Variants in TBC1D22A observed in about 807,000 individuals in gnomAD.
TBC1D22A encodes putative GTPase activator.
A neutral mutation model predicts 60.2 loss-of-function variants in TBC1D22A; 38 were observed. That is an observed-to-expected ratio of 0.63 (90% CI 0.49 to 0.83). The LOEUF (loss-of-function observed/expected upper bound fraction) is 0.83. Among genes scored for constraint, TBC1D22A ranks in the 40% least tolerant of loss-of-function variants. The pLI is 0.00. For missense variants in TBC1D22A, 628 were observed against 701.0 expected, an observed-to-expected ratio of 0.90 and a Z score of 1.18; for synonymous variants, 302 against 281.7, an observed-to-expected ratio of 1.07 and a Z score of -0.72.
In TBC1D22A at chr22:46,793,856, C is replaced by T; in HGVS notation, c.460+15C>T. 1 of 1,532,844 alleles carries T rather than the reference C, an allele frequency of 6.5e-7. No homozygotes were observed. Among genetic ancestry groups the T allele is most frequent in the Non-Finnish European group, 8.7e-7 (1 of 1,142,878 alleles). The allele number at this position is 1,532,844 out of a possible 1,614,324, so 95.0% of individuals were successfully genotyped here. A position where few individuals can be genotyped will look rare whatever the true frequency, so the allele number is the denominator to read the frequency against. ...CTGTCCTGCAGGTACGATGGGAGGA[C>T]TGAAGAGATGGTCTGGGTTTCTGGC... On this transcript the variant is annotated intron_variant, in intron 3 of 12. Transcript: ENST00000337137.
chr22:46,830,691 A>G (rs2086271009), intron 4 of TBC1D22A, among the ~76,000 whole-genome samples: 1 of 152,186 alleles, frequency 6.6e-6, no homozygotes, highest in Non-Finnish European at 1.5e-5. Flanking sequence ...AATCTTCAAG[A>G]ACAGTGATAC....
Position 46,997,630 on chromosome 22 carries a change from T to C in TBC1D22A, c.1126-4T>C. 1 of 1,612,728 alleles carries C rather than the reference T, an allele frequency of 6.2e-7. No homozygotes were observed. Among genetic ancestry groups the C allele is most frequent in the East Asian group, 2.2e-5 (1 of 44,876 alleles). ...TATGATTCACATTATTCTTTTTTCC[T>C]TAGGACAACTACACCTTTGCCCAAC... On this transcript the variant is annotated splice_region_variant and splice_polypyrimidine_tract_variant and intron_variant, in intron 9 of 12. Coordinates refer to ENST00000337137, the MANE Select transcript of TBC1D22A (RefSeq NM_014346.5).
At chr22:46,985,952 A>G (rs1187275316) in intron 9 of TBC1D22A, among the ~76,000 whole-genome samples, 2 of 152,010 alleles carry the variant, frequency 1.3e-5, no homozygotes, top group Non-Finnish European at 2.9e-5. Context: ...CGAATTTATC[A>G]TTTTTTTTCT....
intron 12 of TBC1D22A, among the ~76,000 whole-genome samples, chr22:47,129,610 C>T (rs919059347): frequency 3.3e-5 from 5 of 152,238 alleles, no homozygotes; most frequent in African/African-American, 1.2e-4. Flanking sequence ...TGTCACCTTA[C>T]ATTCCTAGAG....
intron 10 of TBC1D22A, among the ~76,000 whole-genome samples, chr22:47,010,026 C>T (rs756418614): frequency 3.3e-5 from 5 of 152,214 alleles, no homozygotes; most frequent in African/African-American, 7.2e-5. Flanking sequence ...CAACAAAACG[C>T]GGTACTGGAG....
At chr22:47,151,255 C>T (rs1031059740) in intron 12 of TBC1D22A, among the ~76,000 whole-genome samples, 5 of 152,186 alleles carry the variant, frequency 3.3e-5, no homozygotes, top group African/African-American at 4.8e-5. Flanking sequence ...ACTCAGCGCC[C>T]ACCCGTGTAC....
chr22:47,095,628 C>G (rs561799216), intron 11 of TBC1D22A, among the ~76,000 whole-genome samples: 1 of 152,360 alleles, frequency 6.6e-6, no homozygotes, highest in African/African-American at 2.4e-5. Flanking sequence ...TTCCCCGTCT[C>G]CCAACTGGGA....
chr22:46,771,018 G>C (rs963710646), intron 1 of TBC1D22A, among the ~76,000 whole-genome samples: 4 of 152,136 alleles, frequency 2.6e-5, no homozygotes, highest in African/African-American at 4.8e-5. Context: ...CCTTTCAGCG[G>C]TTACTTTCCA....
At chr22:46,773,662 G>A (rs2083582261) in intron 1 of TBC1D22A, among the ~76,000 whole-genome samples, 2 of 152,114 alleles carry the variant, frequency 1.3e-5, no homozygotes. Context: ...AGTAGAGATG[G>A]GGTTTCACCG....
chr22:47,012,098 A>G (rs550757214), intron 10 of TBC1D22A, among the ~76,000 whole-genome samples: 5 of 152,106 alleles, frequency 3.3e-5, no homozygotes, highest in Middle Eastern at 3.4e-3. Flanking sequence ...TCTCCCAGCA[A>G]TCGACCATCG....
rs565855509 is a variant in TBC1D22A at position 47,009,315 on chromosome 22, T to A, written c.1201+11606T>A. Among the ~76,000 whole-genome samples, 1 of 151,850 alleles carries A rather than the reference T, an allele frequency of 6.6e-6. No homozygotes were observed. Among genetic ancestry groups the A allele is most frequent in the Non-Finnish European group, 1.5e-5 (1 of 67,956 alleles). On this transcript the variant is annotated intron_variant, in intron 10 of 12. Transcript: ENST00000337137. This position sits in a 1 kb window ranked among gnomAD's most constrained non-coding sequence, Gnocchi z 5.8. Reference sequence around the variant, plus strand: ...ATCATAAACACCATCATCACCACCATCATGTCATCATCACCATCATTATGT... The same window carrying A: ...ATCATAAACACCATCATCACCACCAACATGTCATCATCACCATCATTATGT...
chr22:47,170,903 G>A (rs112479501), intron 12 of TBC1D22A, among the ~76,000 whole-genome samples: 2 of 151,776 alleles, frequency 1.3e-5, no homozygotes, highest in Non-Finnish European at 2.9e-5. Flanking sequence ...CAGGACCGGA[G>A]AGAGGGCAGT....
At chr22:46,919,898 G>A (rs1251109337) in intron 8 of TBC1D22A, among the ~76,000 whole-genome samples, 1 of 152,090 alleles carries the variant, frequency 6.6e-6, no homozygotes, top group Admixed American at 6.6e-5. Context: ...TTTCCCCATA[G>A]CCCAGCAACT....
chr22:47,137,522 C>T (rs2066919570), intron 12 of TBC1D22A, among the ~76,000 whole-genome samples: 1 of 152,182 alleles, frequency 6.6e-6, no homozygotes, highest in African/African-American at 2.4e-5. Flanking sequence ...CTAGGTCTCC[C>T]TGACTGCAGG....
intron 4 of TBC1D22A, among the ~76,000 whole-genome samples, chr22:46,873,116 G>A (rs890358348): frequency 1.3e-5 from 2 of 151,988 alleles, no homozygotes; most frequent in Non-Finnish European, 1.5e-5. Context: ...AAAAGTAACC[G>A]GTATGCAATG....
At chr22:46,944,898 A>G (rs900626540) in intron 8 of TBC1D22A, among the ~76,000 whole-genome samples, 2 of 152,238 alleles carry the variant, frequency 1.3e-5, no homozygotes, top group African/African-American at 4.8e-5. Flanking sequence ...TTAATTCACA[A>G]AAGCTGAAAG....
At chr22:47,103,061 C>T (rs1227495783) in intron 11 of TBC1D22A, among the ~76,000 whole-genome samples, 1 of 152,220 alleles carries the variant, frequency 6.6e-6, no homozygotes, top group Non-Finnish European at 1.5e-5. Flanking sequence ...CTCACCCTCA[C>T]CCCAGAAAGA....
chr22:47,159,358 CACAT>C (rs1185074174), intron 12 of TBC1D22A, among the ~76,000 whole-genome samples: 1 of 151,648 alleles, frequency 6.6e-6, no homozygotes, highest in Non-Finnish European at 1.5e-5. Flanking sequence ...TCACACAAAG[CACAT>C]ACACTCATGT....
At chr22:46,971,716 C>G (rs1431975802) in intron 8 of TBC1D22A, among the ~76,000 whole-genome samples, 1 of 152,236 alleles carries the variant, frequency 6.6e-6, no homozygotes, top group East Asian at 1.9e-4. Flanking sequence ...GCACACTGAT[C>G]AGCGCGTGGA....
Sources: allele counts gnomAD v4.1 joint callset (sites outside exome capture counted in the v4.1 genomes callset), GRCh38; gene constraint gnomAD v4.1.1; non-coding constraint Gnocchi (gnomAD v3.1); transcripts MANE v1.5; gene names NCBI Gene and HGNC (gene_info 2026-07-23, HGNC 2026-07-21).